The following PLEKHA7 variants were observed in gnomAD, a reference collection of about 807,000 sequenced individuals.
PLEKHA7 encodes the protein pleckstrin homology domain-containing family A member 7.
Under a neutral mutation model 170.0 loss-of-function variants are expected in PLEKHA7, and 104 were observed. The ratio of observed to expected loss-of-function variants is 0.61; its 90% confidence interval spans 0.52 to 0.72. The LOEUF is 0.72. Ranked by LOEUF, PLEKHA7 falls within the 30% of genes least tolerant of loss-of-function variation. PLEKHA7 has a pLI of 0.00. For synonymous variants in PLEKHA7, 648 were observed against 660.8 expected, an observed-to-expected ratio of 0.98 and a Z score of 0.30; for missense variants, 1,615 against 1,671.7, an observed-to-expected ratio of 0.97 and a Z score of 0.59.
At chr11:16,925,923 G>C (rs1473972234) in intron 3 of PLEKHA7, among the ~76,000 whole-genome samples, 1 of 152,212 alleles carries the variant, frequency 6.6e-6, no homozygotes, top group Non-Finnish European at 1.5e-5. Context: ...GAGGGGGAGG[G>C]AAAAGGGCGG....
rs1051054715 is a variant in PLEKHA7 at position 16,885,231 on chromosome 11, G to A, written c.222-14049C>T. Among the ~76,000 whole-genome samples, 6 of 151,912 alleles carry A rather than the reference G, an allele frequency of 3.9e-5. No individual in the cohort carries two copies. In the South Asian group the frequency reaches 1.0e-3, roughly 26 times the overall value. On this transcript the variant is annotated intron_variant, in intron 3 of 26. Transcript: ENST00000531066. ...TGTAATCTCAGCTACTCAGGAGGCTGAGGAAGGAGACTCACTTGAAATCAG... is the reference window on the plus strand; with the variant it reads ...TGTAATCTCAGCTACTCAGGAGGCTAAGGAAGGAGACTCACTTGAAATCAG...
At chr11:16,839,439 T>A (rs1851783318) in intron 9 of PLEKHA7, among the ~76,000 whole-genome samples, 1 of 149,318 alleles carries the variant, frequency 6.7e-6, no homozygotes, top group South Asian at 2.1e-4. Flanking sequence ...TAATATATAT[T>A]TAATAATTTG....
At chr11:16,919,265 T>G (rs991948331) in intron 3 of PLEKHA7, among the ~76,000 whole-genome samples, 2 of 152,142 alleles carry the variant, frequency 1.3e-5, no homozygotes, top group African/African-American at 2.4e-5. Context: ...CCCATATCAT[T>G]GCACACTTTG....
chr11:16,789,113 G>T lies in PLEKHA7; in HGVS notation c.3340C>A (p.Pro1114Thr), dbSNP rs1278675034. The T allele has an allele frequency of 6.2e-7, 1 of 1,604,954 alleles. No individual in the cohort carries two copies. The highest frequency in any genetic ancestry group is 1.1e-5 in the South Asian group (1 of 91,048). ...TAACATACTGAGCCAAGATCTCCAGGGAGCGGCCGGCTGAGGTAGCGAGAT... is the reference window on the plus strand; with the variant it reads ...TAACATACTGAGCCAAGATCTCCAGTGAGCGGCCGGCTGAGGTAGCGAGAT... Reference protein sequence around the residue: ...PSSRYLSRPLPGDLGSWKREQ... With the variant: ...PSSRYLSRPLTGDLGSWKREQ... Residue 1114 changes from proline (P) to threonine (T), a missense_variant, in exon 23 of 27, where the codon CCT becomes ACT. Physicochemically the swap from Pro to Thr is conservative, Grantham distance 38. Coordinates refer to ENST00000531066, the MANE Select transcript of PLEKHA7 (RefSeq NM_001329630.2). The surrounding 1 kb of genome is among the most constrained non-coding windows in gnomAD (Gnocchi z 4.6).
intron 3 of PLEKHA7, among the ~76,000 whole-genome samples, chr11:16,987,572 C>A (rs1863811766): frequency 6.6e-6 from 1 of 152,190 alleles, no homozygotes. Context: ...CTTCCCATCT[C>A]TGGACCTCAT....
intron 3 of PLEKHA7, among the ~76,000 whole-genome samples, chr11:16,991,652 C>T (rs1864049546): frequency 6.6e-6 from 1 of 152,034 alleles, no homozygotes; most frequent in Non-Finnish European, 1.5e-5. Context: ...GAAATGAGGC[C>T]AGAGAGGTAA....
rs548063773 is a variant in PLEKHA7, at chr11:16,786,914, C to A, written c.3358-527G>T. The A allele has an allele frequency of 1.1e-5, 11 of 985,246 alleles. No individual in the cohort carries two copies. The East Asian group carries it at 1.2e-3, about 112-fold the overall frequency. 61.0% of individuals were successfully genotyped at this position (985,246 alleles called of 1,614,324 possible). ...CACTTACAGTAGGGCTGGGGAGGTA[C>A]AAGCAAAAGCAGCTTGGAGCCAATG... On this transcript the variant is annotated intron_variant, in intron 23 of 26. Transcript: ENST00000531066.
At position 16,936,401 on chromosome 11, in the gene PLEKHA7, C is replaced by CAAAAAAAAAAAA. The variant is rs57104068; in HGVS notation, c.222-65231_222-65220dup. Reference sequence around the variant, plus strand: ...TGGGAAATAGCGTGAGACTCTGTCTCAAAAAAAAAAAAAAAAAAAAAAAAA... The same window carrying CAAAAAAAAAAAA: ...TGGGAAATAGCGTGAGACTCTGTCTCAAAAAAAAAAAAAAAAAAAAAAAAAAAAAAAAAAAAA... On this transcript the variant is annotated intron_variant, in intron 3 of 26. Coordinates refer to ENST00000531066, the MANE Select transcript of PLEKHA7 (RefSeq NM_001329630.2). Among the ~76,000 whole-genome samples the CAAAAAAAAAAAA allele has an allele frequency of 1.2e-4, 8 of 68,144 alleles. 1 individual carries two copies. Among genetic ancestry groups the CAAAAAAAAAAAA allele is most frequent in the African/African-American group, 2.1e-4 (4 of 18,876 alleles). The allele number at this position is 68,144 out of a possible 152,430, so 44.7% of individuals were successfully genotyped here.
chr11:16,871,084 C>A lies in PLEKHA7; in HGVS notation c.305+15G>T, dbSNP rs1350451646. ...ATACTCTGCCCAGATAAGGAGAATA[C>A]ATAAAAAGACTTACTCTTCTTGAAG... On this transcript the variant is annotated intron_variant, in intron 4 of 26. Transcript: ENST00000531066. The A allele has an allele frequency of 6.4e-7, 1 of 1,561,526 alleles. No homozygotes were observed. Among genetic ancestry groups the A allele is most frequent in the Non-Finnish European group, 8.8e-7 (1 of 1,132,974 alleles).
At chr11:16,856,054 G>A in intron 4 of PLEKHA7, 140 bp from the exon 5 acceptor site, 2 of 692,332 alleles carry the variant, frequency 2.9e-6, no homozygotes, top group East Asian at 2.6e-5. Flanking sequence ...CCTGACTCCA[G>A]ACTGCAGCCA....
rs1849621184 is a variant in PLEKHA7 at position 16,789,262 on chromosome 11, CCT to C, written c.3189_3190del (p.Asp1065SerfsTer58). 1.2e-6 allele frequency: 2 copies of C among 1,613,704 alleles called. No homozygotes were observed. Among genetic ancestry groups the C allele is most frequent in the Non-Finnish European group, 1.7e-6 (2 of 1,180,038 alleles). On this transcript the variant is annotated frameshift_variant, in exon 23 of 27. Transcript: ENST00000531066. LOFTEE classifies it high-confidence loss of function. The surrounding 1 kb of genome is among the most constrained non-coding windows in gnomAD (Gnocchi z 4.6). ...ACTCATCTTGCCTCGCTGGTGATCC[CCT>C]GAGTACAGGCGCTCCAAGGCACTCT...
chr11:16,813,008 TTG>T, intron 13 of PLEKHA7, 103 bp downstream of exon 13: 1 of 852,428 alleles, frequency 1.2e-6, no homozygotes. Context: ...AGAATTCAGA[TTG>T]GATAAGACCT....
Position 16,783,845 on chromosome 11 carries a change from C to G in PLEKHA7, c.3517-12G>C. ...TCTGGTTTGGACAGCTGGGGAGAGG[C>G]CAGGAGGTGGCAGAGGGAGAGGCTC... is the stretch of plus-strand genomic sequence containing the variant. On this transcript the variant is annotated splice_polypyrimidine_tract_variant and intron_variant, in intron 24 of 26. Coordinates refer to ENST00000531066, the MANE Select transcript of PLEKHA7 (RefSeq NM_001329630.2). 1 of 1,445,786 alleles carries G rather than the reference C, an allele frequency of 6.9e-7. No homozygotes were observed. The highest frequency in any genetic ancestry group is 9.1e-7 in the Non-Finnish European group (1 of 1,102,320). 89.6% of individuals were successfully genotyped at this position (1,445,786 alleles called of 1,614,324 possible). A position where few individuals can be genotyped will look rare whatever the true frequency, so the allele number is the denominator to read the frequency against.
At chr11:16,812,213 TCTC>T (rs982494595) in intron 13 of PLEKHA7, among the ~76,000 whole-genome samples, 1 of 152,162 alleles carries the variant, frequency 6.6e-6, no homozygotes, top group African/African-American at 2.4e-5. Context: ...AAAGCCCTGA[TCTC>T]CTTTCATTGT....
In PLEKHA7 at chr11:16,841,532, T is replaced by G; in HGVS notation, c.872+15A>C. 6.2e-7 allele frequency: 1 copy of G among 1,607,714 alleles called. No homozygotes were observed. Among genetic ancestry groups the G allele is most frequent in the Non-Finnish European group, 8.5e-7 (1 of 1,176,530 alleles). ...GTAGGAGGTGCTGTGGCAGGGACCC[T>G]CCATCAGAACTAACCTCTTCAGTGA... On this transcript the variant is annotated intron_variant, in intron 9 of 26. Coordinates refer to ENST00000531066, the MANE Select transcript of PLEKHA7 (RefSeq NM_001329630.2).
In PLEKHA7 at chr11:16,794,758, C is replaced by T. The variant is rs774675629; in HGVS notation, c.2519-44G>A. 25 of 1,591,396 alleles carry T rather than the reference C, an allele frequency of 1.6e-5. No individual in the cohort carries two copies. In the South Asian group the frequency reaches 2.4e-4, roughly 15 times the overall value. ...AACAAAGCACGGGATGGAACAAAGA[C>T]CCCCTTCCTTGGAGGATGAGTGGAG... On this transcript the variant is annotated intron_variant, in intron 18 of 26. Transcript: ENST00000531066.
intron 3 of PLEKHA7, among the ~76,000 whole-genome samples, chr11:16,985,917 C>T (rs530715057): frequency 2.4e-4 from 37 of 152,346 alleles, no homozygotes; most frequent in African/African-American, 8.9e-4. Flanking sequence ...GAAAGCACTG[C>T]TAACTAAATG....
intron 4 of PLEKHA7, among the ~76,000 whole-genome samples, chr11:16,861,817 G>C (rs1853976843): frequency 6.6e-6 from 1 of 152,132 alleles, no homozygotes; most frequent in Non-Finnish European, 1.5e-5. Context: ...TACACACAGA[G>C]AGCTCGGCTA....
chr11:16,787,637 T>C (rs1019637377), intron 23 of PLEKHA7: 1 of 152,212 alleles, frequency 6.6e-6, no homozygotes, highest in East Asian at 1.9e-4. Flanking sequence ...TAAGGTATCC[T>C]GGGGAAGAAC....
Sources: allele counts gnomAD v4.1 joint callset (sites outside exome capture counted in the v4.1 genomes callset), GRCh38; gene constraint gnomAD v4.1.1; non-coding constraint Gnocchi (gnomAD v3.1); transcripts MANE v1.5; gene names NCBI Gene and HGNC (gene_info 2026-07-23, HGNC 2026-07-21).